The following OSBP2 variants were observed in gnomAD, a reference collection of about 807,000 sequenced individuals.
OSBP2 encodes the protein oxysterol-binding protein 2.
OSBP2 carries 66 observed loss-of-function variants against 96.0 expected under a neutral mutation model. That is an observed-to-expected ratio of 0.69 (90% CI 0.56 to 0.84). The LOEUF is 0.84. Ranked by LOEUF, OSBP2 falls within the 40% of genes least tolerant of loss-of-function variation. The pLI is 0.00. For missense variants in OSBP2, 1,038 were observed against 1,222.7 expected (o/e 0.85, Z 2.25); for synonymous variants, 525 against 520.9 (o/e 1.01, Z -0.11).
chr22:30,787,029 A>C (rs986211706), intron 2 of OSBP2, among the ~76,000 whole-genome samples: 3 of 152,014 alleles, frequency 2.0e-5, no homozygotes, highest in Admixed American at 1.3e-4. Flanking sequence ...CGATCTCCTG[A>C]CCTGGTGATC....
At chr22:30,894,916 C>T (rs2040028566) in intron 12 of OSBP2, among the ~76,000 whole-genome samples, 2 of 152,136 alleles carry the variant, frequency 1.3e-5, no homozygotes, top group African/African-American at 2.4e-5. Context: ...AAGGCATTTT[C>T]AGGCAAACAA....
At chr22:30,777,987 G>A (rs2090457743) in intron 2 of OSBP2, among the ~76,000 whole-genome samples, 1 of 151,758 alleles carries the variant, frequency 6.6e-6, no homozygotes, top group African/African-American at 2.4e-5. Flanking sequence ...GACATTAAAG[G>A]AGCTTATTTT....
intron 2 of OSBP2, among the ~76,000 whole-genome samples, chr22:30,807,668 C>T (rs1319399565): frequency 6.6e-6 from 1 of 152,194 alleles, no homozygotes; most frequent in East Asian, 1.9e-4. Flanking sequence ...TTCCCACCTC[C>T]AGCTCTAGAG....
At chr22:30,733,914 T>C (rs1205827740) in intron 1 of OSBP2, among the ~76,000 whole-genome samples, 1 of 152,208 alleles carries the variant, frequency 6.6e-6, no homozygotes, top group African/African-American at 2.4e-5. Context: ...TTTATATTTG[T>C]TCTAAATCAG....
chr22:30,878,502 G>A (rs1426275809), intron 3 of OSBP2, among the ~76,000 whole-genome samples: 14 of 152,174 alleles, frequency 9.2e-5, no homozygotes, highest in Non-Finnish European at 1.9e-4. Context: ...GCTGTCTGAC[G>A]CCCTGCTTGG....
Position 30,821,105 on chromosome 22 carries a change from C to G in OSBP2, c.854-49324C>G, listed in dbSNP as rs1029486672. Among the ~76,000 whole-genome samples the G allele has an allele frequency of 2.0e-5, 3 of 152,334 alleles. No individual in the cohort carries two copies. In the East Asian group the frequency reaches 5.8e-4, roughly 29 times the overall value. ...GTTGGAGATGAAGCAGTGGCTAAAA[C>G]TCAGTCCCAGGGCCCAGAGTCTGTA... On this transcript the variant is annotated intron_variant, in intron 2 of 13. Transcript: ENST00000332585.
intron 3 of OSBP2, chr22:30,872,405 G>A (rs1279231481): frequency 2.2e-6 from 1 of 456,232 alleles, no homozygotes; most frequent in Non-Finnish European, 4.4e-6. Context: ...GAGATAATGA[G>A]CGTCTCAGCT....
intron 2 of OSBP2, among the ~76,000 whole-genome samples, chr22:30,747,285 A>G (rs1184688435): frequency 6.6e-6 from 1 of 152,160 alleles, no homozygotes; most frequent in African/African-American, 2.4e-5. Context: ...GTAACTAGAC[A>G]GAGGTGGTGG....
chr22:30,798,473 A>G (rs1266598363), intron 2 of OSBP2, among the ~76,000 whole-genome samples: 1 of 152,182 alleles, frequency 6.6e-6, no homozygotes, highest in Non-Finnish European at 1.5e-5. Flanking sequence ...TACCTTTGGT[A>G]TCATACCCAA....
chr22:30,816,134 AT>A (rs1389068187), intron 2 of OSBP2, among the ~76,000 whole-genome samples: 4 of 152,210 alleles, frequency 2.6e-5, no homozygotes, highest in Non-Finnish European at 4.4e-5. Context: ...TTAAAAAAAA[AT>A]AAAAAGTTTT....
chr22:30,821,326 C>G (rs1188657490), intron 2 of OSBP2, among the ~76,000 whole-genome samples: 1 of 152,116 alleles, frequency 6.6e-6, no homozygotes, highest in Non-Finnish European at 1.5e-5. Flanking sequence ...GAGAGACTTG[C>G]AGGGAGATTG....
chr22:30,771,388 A>G (rs1164405091), intron 2 of OSBP2, among the ~76,000 whole-genome samples: 1 of 152,230 alleles, frequency 6.6e-6, no homozygotes, highest in African/African-American at 2.4e-5. Flanking sequence ...CAGAGGCTCC[A>G]GAGGGGCAAC....
At chr22:30,735,350 A>AT (rs1053963563) in intron 1 of OSBP2, among the ~76,000 whole-genome samples, 61 of 138,138 alleles carry the variant, frequency 4.4e-4, no homozygotes, top group African/African-American at 1.4e-3. Flanking sequence ...CTCTTGTTTC[A>AT]TTTTTATCAA....
At chr22:30,747,214 G>A (rs892817302) in intron 2 of OSBP2, among the ~76,000 whole-genome samples, 1 of 152,238 alleles carries the variant, frequency 6.6e-6, no homozygotes. Flanking sequence ...GAACTAGGGG[G>A]AGATGGGAAG....
chr22:30,751,363 C>CT (rs943969514), intron 2 of OSBP2, among the ~76,000 whole-genome samples: 1 of 150,354 alleles, frequency 6.7e-6, no homozygotes, highest in African/African-American at 2.4e-5. Context: ...ATATTTTTTT[C>CT]TTTTTTCTTG....
In OSBP2 at chr22:30,881,527, T is replaced by C. The variant is rs531312313; in HGVS notation, c.1108-5899T>C. On this transcript the variant is annotated intron_variant, in intron 3 of 13. Coordinates refer to ENST00000332585, the MANE Select transcript of OSBP2 (RefSeq NM_030758.4). This position sits in a 1 kb window ranked among gnomAD's most constrained non-coding sequence, Gnocchi z 4.5. The stretch of plus-strand genomic sequence containing the variant: ...ACGAGTCTCCTGGCCCCAGGTAGAG[T>C]TGTCACACAGCCTCAGAGAAATGAG... Among the ~76,000 whole-genome samples, 47 of 151,934 alleles carry C rather than the reference T, an allele frequency of 3.1e-4. No individual in the cohort carries two copies. Among genetic ancestry groups the C allele is most frequent in the Admixed American group, 5.9e-4 (9 of 15,262 alleles).
chr22:30,902,415 G>A, intron 12 of OSBP2: 1 of 1,572,618 alleles, frequency 6.4e-7, no homozygotes, highest in Non-Finnish European at 8.7e-7. Flanking sequence ...GTGCACTGTT[G>A]GGCAATCAGT....
intron 2 of OSBP2, among the ~76,000 whole-genome samples, chr22:30,752,019 T>G (rs958201932): frequency 6.6e-6 from 1 of 152,156 alleles, no homozygotes; most frequent in East Asian, 1.9e-4. Flanking sequence ...CAGAGGGGTC[T>G]GCAAGCTGGG....
At chr22:30,864,696 C>G (rs2039293589) in intron 2 of OSBP2, among the ~76,000 whole-genome samples, 1 of 152,138 alleles carries the variant, frequency 6.6e-6, no homozygotes, top group Non-Finnish European at 1.5e-5. Flanking sequence ...TGTCCCCTGC[C>G]AGGCCCATCT....
Sources: allele counts gnomAD v4.1 joint callset (sites outside exome capture counted in the v4.1 genomes callset), GRCh38; gene constraint gnomAD v4.1.1; non-coding constraint Gnocchi (gnomAD v3.1); transcripts MANE v1.5; gene names NCBI Gene and HGNC (gene_info 2026-07-23, HGNC 2026-07-21).